Variants in CALN1 observed in about 807,000 individuals in gnomAD.
CALN1 encodes the protein calcium-binding protein 8.
In CALN1, 17 loss-of-function variants were observed where a neutral mutation model predicts 30.6. That is an observed-to-expected ratio of 0.56 (90% CI 0.38 to 0.83). CALN1 has a LOEUF of 0.83. CALN1 is among the 40% of genes least tolerant of loss of function. The pLI, the probability that CALN1 is intolerant of heterozygous loss-of-function variation, is 0.00. For synonymous variants in CALN1, 156 were observed against 131.4 expected, an observed-to-expected ratio of 1.19 and a Z score of -1.28; for missense variants, 291 against 354.9, an observed-to-expected ratio of 0.82 and a Z score of 1.45.
chr7:72,301,114 G>A (rs1014497120), intron 2 of CALN1, among the ~76,000 whole-genome samples: 1 of 152,162 alleles, frequency 6.6e-6, no homozygotes, highest in African/African-American at 2.4e-5. Context: ...AGACGTAATT[G>A]GGCAGACAGA....
chr7:71,939,178 A>G (rs1795994866), intron 5 of CALN1, among the ~76,000 whole-genome samples: 3 of 152,282 alleles, frequency 2.0e-5, no homozygotes, highest in South Asian at 4.2e-4. Flanking sequence ...ATACTAGGTC[A>G]TATCTTTTGC....
intron 2 of CALN1, among the ~76,000 whole-genome samples, chr7:72,324,497 G>A (rs907066076): frequency 2.0e-5 from 3 of 151,980 alleles, no homozygotes; most frequent in Admixed American, 1.3e-4. Context: ...CTTTCCCTAG[G>A]AGTGGAAAGC....
At chr7:71,939,189 G>A (rs902310055) in intron 5 of CALN1, among the ~76,000 whole-genome samples, 19 of 152,056 alleles carry the variant, frequency 1.2e-4, no homozygotes, top group African/African-American at 2.9e-4. Context: ...TATCTTTTGC[G>A]ATACTGGATA....
chr7:71,885,526 G>A lies in CALN1; in HGVS notation c.502-75034C>T, dbSNP rs545423081. ...AGATGTATAAAACAAAGCTGCACCC[G>A]GACCACCGTGGGCACATGTTCTCAG... On this transcript the variant is annotated intron_variant, in intron 5 of 6. Transcript: ENST00000395275. 8.5e-5 allele frequency among the ~76,000 whole-genome samples: 13 copies of A among 152,260 alleles called. No individual in the cohort carries two copies. In the South Asian group the frequency reaches 2.7e-3, roughly 32 times the overall value.
chr7:71,848,226 C>A (rs1790434258), intron 5 of CALN1, among the ~76,000 whole-genome samples: 1 of 152,184 alleles, frequency 6.6e-6, no homozygotes, highest in Non-Finnish European at 1.5e-5. Flanking sequence ...CAGATGTGAG[C>A]AACAATCCCA....
At chr7:71,862,080 C>G (rs1447289539) in intron 5 of CALN1, among the ~76,000 whole-genome samples, 1 of 149,944 alleles carries the variant, frequency 6.7e-6, no homozygotes, top group Non-Finnish European at 1.5e-5. Flanking sequence ...TTTCCTTGAC[C>G]CTTTTGCGCT....
intron 5 of CALN1, among the ~76,000 whole-genome samples, chr7:71,911,339 G>T (rs1199167814): frequency 6.6e-6 from 1 of 151,564 alleles, no homozygotes; most frequent in Non-Finnish European, 1.5e-5. Flanking sequence ...CTGAGGGTAT[G>T]CCATCACCCT....
intron 3 of CALN1, among the ~76,000 whole-genome samples, chr7:72,192,760 G>T (rs1237797352): frequency 6.7e-6 from 1 of 149,932 alleles, no homozygotes. Flanking sequence ...CCACTAACTC[G>T]TCATCTAGCA....
intron 3 of CALN1, among the ~76,000 whole-genome samples, chr7:72,233,789 A>C (rs1794277807): frequency 6.6e-6 from 1 of 152,148 alleles, no homozygotes; most frequent in African/African-American, 2.4e-5. Flanking sequence ...GGATAATCTG[A>C]GGTCAGGAGT....
At chr7:71,987,161 C>A (rs530397265) in intron 5 of CALN1, among the ~76,000 whole-genome samples, 1 of 152,118 alleles carries the variant, frequency 6.6e-6, no homozygotes, top group East Asian at 1.9e-4. Context: ...ACTGAAGTCA[C>A]AGGCCTGCCA....
At chr7:71,868,009 T>C (rs945872806) in intron 5 of CALN1, among the ~76,000 whole-genome samples, 1 of 152,240 alleles carries the variant, frequency 6.6e-6, no homozygotes, top group Non-Finnish European at 1.5e-5. Flanking sequence ...TAATGTACGG[T>C]CTTTTCACGT....
At chr7:72,041,413 T>C (rs1363172308) in intron 4 of CALN1, among the ~76,000 whole-genome samples, 1 of 152,122 alleles carries the variant, frequency 6.6e-6, no homozygotes, top group Non-Finnish European at 1.5e-5. Flanking sequence ...AGACAGCATC[T>C]GGCTCTGTTG....
At chr7:72,477,431 T>G in the CALN1 span, among the ~76,000 whole-genome samples, 1 of 152,196 alleles carries the variant, frequency 6.6e-6, no homozygotes, top group East Asian at 1.9e-4. Context: ...TTTTAATTTT[T>G]GTTTTTTTGT....
intron 3 of CALN1, among the ~76,000 whole-genome samples, chr7:72,169,849 C>G (rs1240119540): frequency 6.6e-6 from 1 of 151,998 alleles, no homozygotes; most frequent in Admixed American, 6.6e-5. Context: ...CAGCACCACA[C>G]CCGGCTAGTT....
intron 3 of CALN1, among the ~76,000 whole-genome samples, chr7:72,162,634 G>C (rs1197650827): frequency 6.6e-6 from 1 of 152,078 alleles, no homozygotes; most frequent in East Asian, 1.9e-4. Context: ...AGCTACTCAG[G>C]AGGCCGAGGC....
intron 3 of CALN1, among the ~76,000 whole-genome samples, chr7:72,227,236 TA>T (rs34824953): frequency 0.67 from 96,020 of 144,030 alleles, 31,878 homozygotes; most frequent in East Asian, 0.99. Flanking sequence ...ATTAAAAGCT[TA>T]AAAAAAAAAA....
chr7:72,382,972 G>C (rs1047387185), intron 2 of CALN1, among the ~76,000 whole-genome samples: 1 of 152,108 alleles, frequency 6.6e-6, no homozygotes, highest in East Asian at 1.9e-4. Flanking sequence ...TATTTTTCTA[G>C]AGATGGGGTT....
At chr7:72,243,684 C>G (rs933857883) in intron 3 of CALN1, among the ~76,000 whole-genome samples, 1 of 152,088 alleles carries the variant, frequency 6.6e-6, no homozygotes, top group Non-Finnish European at 1.5e-5. Context: ...ACCCCTGGCC[C>G]TTCTGAGCCA....
rs746393698 is a variant in CALN1 at position 71,847,847 on chromosome 7, G to GAGAAGGAGAAGAAGA, written c.502-37356_502-37355insTCTTCTTCTCCTTCT. ...GGAGAAGGAGAAGGAGAAGGAGAAG[G>GAGAAGGAGAAGAAGA]AGAAGAAGAAGAGGAAAGTTTTCCC... On this transcript the variant is annotated intron_variant, in intron 5 of 6. Coordinates refer to ENST00000395275, the MANE Select transcript of CALN1 (RefSeq NM_031468.4). Among the ~76,000 whole-genome samples the GAGAAGGAGAAGAAGA allele has an allele frequency of 9.2e-3, 1,245 of 134,810 alleles. 25 individuals are homozygous for GAGAAGGAGAAGAAGA. Among genetic ancestry groups the GAGAAGGAGAAGAAGA allele is most frequent in the African/African-American group, 0.034 (1,167 of 34,224 alleles). 88.4% of individuals were successfully genotyped at this position (134,810 alleles called of 152,430 possible).
Sources: allele counts gnomAD v4.1 joint callset (sites outside exome capture counted in the v4.1 genomes callset), GRCh38; gene constraint gnomAD v4.1.1; transcripts MANE v1.5; gene names NCBI Gene and HGNC (gene_info 2026-07-23, HGNC 2026-07-21).